The following DGKI variants were observed in gnomAD, a reference collection of about 807,000 sequenced individuals.
DGKI encodes diacylglycerol kinase iota.
A neutral mutation model predicts 147.5 loss-of-function variants in DGKI; 55 were observed. That is an observed-to-expected ratio of 0.37 (90% CI 0.30 to 0.47). DGKI has a LOEUF of 0.47. DGKI is among the 20% of genes least tolerant of loss of function. The pLI, the probability that DGKI is intolerant of heterozygous loss-of-function variation, is 1.00. For synonymous variants in DGKI, 469 were observed against 477.1 expected (o/e 0.98, Z 0.22); for missense variants, 1,007 against 1,323.8 (o/e 0.76, Z 3.71).
intron 4 of DGKI, 64 bp from the exon 5 acceptor site, chr7:137,654,852 GA>G (rs376136379): frequency 0.1 from 66,097 of 656,064 alleles, 1,331 homozygotes; most frequent in African/African-American, 0.27. Context: ...TGAATTACCT[GA>G]AAAAAAAAAA....
intron 12 of DGKI, among the ~76,000 whole-genome samples, chr7:137,591,590 C>T (rs1819620299): frequency 6.6e-6 from 1 of 152,144 alleles, no homozygotes; most frequent in African/African-American, 2.4e-5. Context: ...GAGCTCAGCT[C>T]CACCACAAAT....
chr7:137,677,920 T>C (rs73730096), intron 3 of DGKI, among the ~76,000 whole-genome samples: 14,746 of 152,210 alleles, frequency 0.097, 2,286 homozygotes, highest in African/African-American at 0.33. Context: ...AATGCACTAC[T>C]TGGCAACCAC....
At chr7:137,691,798 G>GTTTTTTTTTTTT (rs796902464) in intron 1 of DGKI, among the ~76,000 whole-genome samples, 10,284 of 94,606 alleles carry the variant, frequency 0.11, 1,054 homozygotes, top group South Asian at 0.15. Context: ...AGACCTTTGG[G>GTTTTTTTTTTTT]TTTTTTTTTT....
intron 27 of DGKI, among the ~76,000 whole-genome samples, chr7:137,446,204 T>C (rs977887849): frequency 6.6e-6 from 1 of 152,226 alleles, no homozygotes; most frequent in African/African-American, 2.4e-5. Context: ...GCCCTGATAT[T>C]AAATCTGAAA....
intron 3 of DGKI, among the ~76,000 whole-genome samples, chr7:137,663,899 T>C (rs998852611): frequency 2.3e-4 from 33 of 145,804 alleles, no homozygotes; most frequent in African/African-American, 8.5e-4. Context: ...GCTTCTGACA[T>C]AGGGCTCCCT....
rs191782357 is a variant in DGKI at position 137,383,597 on chromosome 7, G to A, written c.*7623C>T. ...TATGCCTTTGATCTCTGAGTTAGTT[G>A]TTCAATCTTCACTTAACTACTAGAA... On this transcript the variant is annotated 3_prime_UTR_variant, in exon 33 of 33. Coordinates refer to ENST00000614521, the MANE Select transcript of DGKI (RefSeq NM_001321708.2). 1 of 151,976 alleles carries A rather than the reference G, an allele frequency of 6.6e-6. No individual in the cohort carries two copies. Among genetic ancestry groups the A allele is most frequent in the Non-Finnish European group, 1.5e-5 (1 of 67,922 alleles). The allele number at this position is 151,976 out of a possible 1,614,324, so 9.4% of individuals were successfully genotyped here. A position where few individuals can be genotyped will look rare whatever the true frequency, so the allele number is the denominator to read the frequency against.
intron 1 of DGKI, among the ~76,000 whole-genome samples, chr7:137,716,884 T>A (rs1336341693): frequency 6.6e-6 from 1 of 152,158 alleles, no homozygotes; most frequent in Non-Finnish European, 1.5e-5. Flanking sequence ...CCTAAGAAAA[T>A]TTTTCCACCC....
intron 20 of DGKI, among the ~76,000 whole-genome samples, chr7:137,530,061 CT>C (rs1817287861): frequency 6.6e-6 from 1 of 152,156 alleles, no homozygotes; most frequent in Non-Finnish European, 1.5e-5. Context: ...CATGTTATAA[CT>C]TTTTATTACC....
At chr7:137,578,207 A>ATACACAG (rs1819054923) in intron 16 of DGKI, 63 bp downstream of exon 16, 2 of 1,204,120 alleles carry the variant, frequency 1.7e-6, no homozygotes, top group Non-Finnish European at 2.5e-6. Context: ...TTGCAACTTT[A>ATACACAG]TGATACACAG....
chr7:137,633,073 G>T (rs553638593), intron 6 of DGKI, among the ~76,000 whole-genome samples: 1 of 151,980 alleles, frequency 6.6e-6, no homozygotes, highest in Admixed American at 6.6e-5. Flanking sequence ...TTACTCGGGC[G>T]TGGTGACGCA....
At chr7:137,761,135 T>C (rs540800575) in intron 1 of DGKI, among the ~76,000 whole-genome samples, 2 of 152,324 alleles carry the variant, frequency 1.3e-5, no homozygotes, top group African/African-American at 4.8e-5. Context: ...TGTTTCTTTG[T>C]TTTGCCTTCA....
chr7:137,736,655 G>GAAA (rs1295114604), intron 1 of DGKI, among the ~76,000 whole-genome samples: 1 of 152,042 alleles, frequency 6.6e-6, no homozygotes, highest in Non-Finnish European at 1.5e-5. Flanking sequence ...TAACATCTAG[G>GAAA]AAAAATACTG....
chr7:137,459,878 G>A (rs1241797399), intron 27 of DGKI, among the ~76,000 whole-genome samples: 2 of 151,788 alleles, frequency 1.3e-5, no homozygotes, highest in Non-Finnish European at 2.9e-5. Flanking sequence ...TTTACACTGG[G>A]ATTCTTTTTC....
chr7:137,638,632 G>GTATATACACATATATGTA lies in DGKI; in HGVS notation c.804+6839_804+6840insTACATATATGTGTATATA, dbSNP rs1563126028. Among the ~76,000 whole-genome samples, 3 of 31,472 alleles carry GTATATACACATATATGTA rather than the reference G, an allele frequency of 9.5e-5. 1 individual carries two copies. Among genetic ancestry groups the GTATATACACATATATGTA allele is most frequent in the East Asian group, 2.8e-3 (2 of 706 alleles). 20.6% of individuals were successfully genotyped at this position (31,472 alleles called of 152,430 possible). A position where few individuals can be genotyped will look rare whatever the true frequency, so the allele number is the denominator to read the frequency against. On this transcript the variant is annotated intron_variant, in intron 6 of 32. Coordinates refer to ENST00000614521, the MANE Select transcript of DGKI (RefSeq NM_001321708.2). ...TATATACACACACACATATATATGT[G>GTATATACACATATATGTA]TGTATATATGTGTATGTATATACAC...
At chr7:137,775,412 C>T (rs2116865834) in intron 1 of DGKI, among the ~76,000 whole-genome samples, 1 of 152,324 alleles carries the variant, frequency 6.6e-6, no homozygotes, top group South Asian at 2.1e-4. Context: ...GTACCTCTGC[C>T]ATTCCCCTGT....
chr7:137,843,540 T>G lies in DGKI; in HGVS notation c.401+2922A>C. Reference sequence around the variant, plus strand: ...ACACAGAATAGATAATGAGGGGAAATCTAGGAGTACAGAAAGCAGTTTATT... The same window carrying G: ...ACACAGAATAGATAATGAGGGGAAAGCTAGGAGTACAGAAAGCAGTTTATT... On this transcript the variant is annotated intron_variant, in intron 1 of 32. Transcript: ENST00000614521. The G allele has an allele frequency of 3.8e-4, 113 of 294,026 alleles. No individual in the cohort carries two copies. In the Middle Eastern group the frequency reaches 4.8e-3, roughly 13 times the overall value. 18.2% of individuals were successfully genotyped at this position (294,026 alleles called of 1,614,324 possible). A position where few individuals can be genotyped will look rare whatever the true frequency, so the allele number is the denominator to read the frequency against.
At chr7:137,444,217 T>C (rs532767992) in intron 27 of DGKI, 115 bp from the exon 28 acceptor site, 3 of 630,196 alleles carry the variant, frequency 4.8e-6, no homozygotes, top group Non-Finnish European at 8.0e-6. Flanking sequence ...GTCAATATAG[T>C]AGACAGTGTA....
chr7:137,460,086 C>A (rs1221774589), intron 27 of DGKI, among the ~76,000 whole-genome samples: 1 of 152,120 alleles, frequency 6.6e-6, no homozygotes, highest in African/African-American at 2.4e-5. Context: ...GCACTGTCAA[C>A]AGGATGCTAA....
intron 3 of DGKI, among the ~76,000 whole-genome samples, chr7:137,664,246 C>T (rs557849360): frequency 1.1e-4 from 16 of 151,762 alleles, no homozygotes; most frequent in South Asian, 4.2e-4. Context: ...GGCATGGTGG[C>T]GGGCGCCTGT....
Sources: allele counts gnomAD v4.1 joint callset (sites outside exome capture counted in the v4.1 genomes callset), GRCh38; gene constraint gnomAD v4.1.1; transcripts MANE v1.5; gene names NCBI Gene and HGNC (gene_info 2026-07-23, HGNC 2026-07-21).